The following VSNL1 variants were observed in gnomAD, a reference collection of about 807,000 sequenced individuals.
VSNL1 encodes the protein visinin like 1, also known as visinin-like protein 1.
In VSNL1, 6 loss-of-function variants were observed where a neutral mutation model predicts 20.4. The ratio of observed to expected loss-of-function variants is 0.29; its 90% CI spans 0.16 to 0.58. The LOEUF (loss-of-function observed/expected upper bound fraction) is 0.58. VSNL1 is among the 20% of genes least tolerant of loss of function. The probability of loss-of-function intolerance (pLI) is 0.90; values close to 1 mark genes in which losing one functional copy is unlikely to be tolerated. For missense variants in VSNL1, 100 were observed against 234.5 expected, an observed-to-expected ratio of 0.43 and a Z score of 3.75; for synonymous variants, 93 against 86.4, an observed-to-expected ratio of 1.08 and a Z score of -0.42.
chr2:17,568,355 C>A (rs911918948), intron 1 of VSNL1, among the ~76,000 whole-genome samples: 10 of 152,252 alleles, frequency 6.6e-5, no homozygotes, highest in African/African-American at 2.2e-4. Flanking sequence ...GCAACCTCAA[C>A]CTTCCAGCCT....
intron 1 of VSNL1, among the ~76,000 whole-genome samples, chr2:17,544,708 T>G (rs2103334042): frequency 6.6e-6 from 1 of 152,304 alleles, no homozygotes; most frequent in South Asian, 2.1e-4. Flanking sequence ...TTGTTTTGAG[T>G]GATTTCTATG....
intron 1 of VSNL1, among the ~76,000 whole-genome samples, chr2:17,583,353 TC>T (rs1296372333): frequency 1.3e-5 from 2 of 152,188 alleles, no homozygotes; most frequent in African/African-American, 2.4e-5. Context: ...CCACAGTCCC[TC>T]CCCACTGGGA....
intron 1 of VSNL1, among the ~76,000 whole-genome samples, chr2:17,542,960 T>C (rs1258750713): frequency 6.6e-6 from 1 of 152,204 alleles, no homozygotes; most frequent in East Asian, 1.9e-4. Flanking sequence ...GAATAAACAA[T>C]TAAAAAGTAA....
intron 1 of VSNL1, among the ~76,000 whole-genome samples, chr2:17,542,377 GC>G (rs753049861): frequency 1.3e-5 from 2 of 152,164 alleles, no homozygotes; most frequent in Non-Finnish European, 2.9e-5. Context: ...CATGGCTAGT[GC>G]GTGCTGGATT....
intron 2 of VSNL1, among the ~76,000 whole-genome samples, chr2:17,605,891 A>T (rs150024057): frequency 7.2e-5 from 11 of 152,366 alleles, no homozygotes; most frequent in Admixed American, 4.6e-4. Flanking sequence ...GGATGACTAG[A>T]TGCATAGATG....
At chr2:17,596,357 C>G (rs1356616441) in intron 2 of VSNL1, among the ~76,000 whole-genome samples, 2 of 152,198 alleles carry the variant, frequency 1.3e-5, no homozygotes, top group African/African-American at 4.8e-5. Context: ...TGATCACCCC[C>G]CAAGGGAATT....
In VSNL1 at chr2:17,649,993, C is replaced by T. The variant is rs1385438833; in HGVS notation, c.378+368C>T. ...TGGGGACCCGAGGCTGTCAGGGGCT[C>T]CCGGGACATCCTTCCAGGTTCTGGT... On this transcript the variant is annotated intron_variant, in intron 3 of 3. Coordinates refer to ENST00000295156, the MANE Select transcript of VSNL1 (RefSeq NM_003385.5). This position sits in a 1 kb window ranked among gnomAD's most constrained non-coding sequence, Gnocchi z 6.4. 1.3e-5 allele frequency among the ~76,000 whole-genome samples: 2 copies of T among 152,202 alleles called. No individual in the cohort carries two copies. The highest frequency in any genetic ancestry group is 2.9e-5 in the Non-Finnish European group (2 of 68,036).
intron 2 of VSNL1, among the ~76,000 whole-genome samples, chr2:17,643,637 T>C (rs1250818162): frequency 6.6e-6 from 1 of 152,204 alleles, no homozygotes; most frequent in Non-Finnish European, 1.5e-5. Context: ...CCGTTTAGCT[T>C]ACAGTCTACT....
chr2:17,557,122 A>C (rs951725638), intron 1 of VSNL1, among the ~76,000 whole-genome samples: 4 of 152,074 alleles, frequency 2.6e-5, no homozygotes, highest in Non-Finnish European at 5.9e-5. Flanking sequence ...TACCTCACTC[A>C]TTTTCACAAC....
chr2:17,587,834 A>T (rs996561464), intron 1 of VSNL1, among the ~76,000 whole-genome samples: 1 of 152,154 alleles, frequency 6.6e-6, no homozygotes, highest in Non-Finnish European at 1.5e-5. Flanking sequence ...TACAGTTTTT[A>T]AAAATACTGT....
At chr2:17,563,886 G>A (rs907682908) in intron 1 of VSNL1, among the ~76,000 whole-genome samples, 2 of 152,002 alleles carry the variant, frequency 1.3e-5, no homozygotes, top group Non-Finnish European at 2.9e-5. Flanking sequence ...TCTTATCTAT[G>A]TTCTTTTTTT....
chr2:17,601,692 T>C (rs1182085777), intron 2 of VSNL1, among the ~76,000 whole-genome samples: 1 of 151,132 alleles, frequency 6.6e-6, no homozygotes, highest in Non-Finnish European at 1.5e-5. Context: ...CCCAGCACTT[T>C]GGGAGGCCGA....
intron 2 of VSNL1, among the ~76,000 whole-genome samples, chr2:17,623,472 A>G (rs1032941396): frequency 6.6e-6 from 1 of 152,044 alleles, no homozygotes; most frequent in Admixed American, 6.6e-5. Context: ...GATCGAGACC[A>G]TCCTGGCTAA....
chr2:17,566,889 T>C (rs992760876), intron 1 of VSNL1, among the ~76,000 whole-genome samples: 4 of 152,194 alleles, frequency 2.6e-5, no homozygotes, highest in African/African-American at 7.2e-5. Context: ...TTTCTTTCTC[T>C]GTTGTTGTAT....
chr2:17,547,218 C>A (rs1663424392), intron 1 of VSNL1, among the ~76,000 whole-genome samples: 1 of 151,964 alleles, frequency 6.6e-6, no homozygotes, highest in South Asian at 2.1e-4. Flanking sequence ...TGTTTAAACT[C>A]TCAGCCTCAG....
chr2:17,618,065 C>T (rs1221936463), intron 2 of VSNL1, among the ~76,000 whole-genome samples: 1 of 152,090 alleles, frequency 6.6e-6, no homozygotes, highest in Non-Finnish European at 1.5e-5. Context: ...TGTGAGAGGA[C>T]CAGCTCTTGT....
intron 2 of VSNL1, among the ~76,000 whole-genome samples, chr2:17,600,505 G>T (rs1173233337): frequency 1.3e-5 from 2 of 152,162 alleles, no homozygotes; most frequent in Non-Finnish European, 2.9e-5. Context: ...TGACAGAGAT[G>T]ACTACTGCCT....
chr2:17,563,295 G>A (rs931608215), intron 1 of VSNL1, among the ~76,000 whole-genome samples: 4 of 152,184 alleles, frequency 2.6e-5, no homozygotes, highest in African/African-American at 9.7e-5. Context: ...GGCTTTGAGA[G>A]CTCATTAATG....
chr2:17,576,614 TA>T (rs1170065528), intron 1 of VSNL1, among the ~76,000 whole-genome samples: 8 of 152,240 alleles, frequency 5.3e-5, no homozygotes, highest in African/African-American at 1.9e-4. Flanking sequence ...CATTTATTTT[TA>T]AGCAATGTTA....
Sources: gnomAD v4.1 joint callset for allele counts (sites outside exome capture counted in the v4.1 genomes callset) on GRCh38, gnomAD v4.1.1 for gene constraint, Gnocchi (gnomAD v3.1) non-coding constraint, MANE v1.5 for transcripts, NCBI Gene and HGNC (gene_info 2026-07-23, HGNC 2026-07-21) for gene names.